Variants in SLC39A10 observed in about 807,000 individuals in gnomAD.
SLC39A10 encodes the protein solute carrier family 39 member 10.
In SLC39A10, 13 loss-of-function variants were observed where a neutral mutation model predicts 65.1. The ratio of observed to expected loss-of-function variants is 0.20; its 90% CI spans 0.13 to 0.32. SLC39A10 has a LOEUF of 0.32. SLC39A10 is among the 10% of genes least tolerant of loss of function. The pLI is 1.00. For missense variants in SLC39A10, 831 were observed against 1,018.4 expected, an observed-to-expected ratio of 0.82 and a Z score of 2.50; for synonymous variants, 321 against 342.2, an observed-to-expected ratio of 0.94 and a Z score of 0.68.
intron 2 of SLC39A10, among the ~76,000 whole-genome samples, chr2:195,637,661 C>G (rs561599975): frequency 4.3e-4 from 66 of 152,236 alleles, no homozygotes; most frequent in Admixed American, 7.2e-4. Flanking sequence ...CATTCTTAAC[C>G]ATAATTGAGG....
At chr2:195,676,923 C>T (rs1690113703) in intron 1 of SLC39A10, among the ~76,000 whole-genome samples, 1 of 151,352 alleles carries the variant, frequency 6.6e-6, no homozygotes, top group South Asian at 2.1e-4. Flanking sequence ...TGTGTTTCTC[C>T]AGGTTTTTCA....
chr2:195,618,470 A>G (rs982416361), intron 2 of SLC39A10, among the ~76,000 whole-genome samples: 4 of 152,184 alleles, frequency 2.6e-5, no homozygotes, highest in Non-Finnish European at 5.9e-5. Context: ...AAAGTAAATG[A>G]AGTGTTGGGG....
chr2:195,690,437 A>G (rs370537920), intron 3 of SLC39A10, among the ~76,000 whole-genome samples: 8 of 152,124 alleles, frequency 5.3e-5, no homozygotes, highest in Non-Finnish European at 8.8e-5. Context: ...TCTGTTTTTA[A>G]CTTTTTGAGG....
At chr2:195,618,344 C>G (rs1410464707) in intron 2 of SLC39A10, among the ~76,000 whole-genome samples, 1 of 134,294 alleles carries the variant, frequency 7.4e-6, no homozygotes, top group African/African-American at 3.1e-5. Flanking sequence ...GAATGAGACT[C>G]CGTCTCACCA....
intron 2 of SLC39A10, among the ~76,000 whole-genome samples, chr2:195,625,210 C>A (rs1293938982): frequency 2.2e-5 from 2 of 91,394 alleles, no homozygotes; most frequent in Non-Finnish European, 4.2e-5. Context: ...GAGGGACACT[C>A]TGTCTCAAAA....
chr2:195,702,644 CT>C (rs1020930595), intron 3 of SLC39A10, among the ~76,000 whole-genome samples: 1 of 152,202 alleles, frequency 6.6e-6, no homozygotes, highest in African/African-American at 2.4e-5. Context: ...CAGGATCATA[CT>C]ATTAAGGCCA....
Position 195,735,099 on chromosome 2 carries a change from TCCTTGTACTGTATGCACATTGCTCAAA to T in SLC39A10, c.*59_*85del. 1 of 1,542,080 alleles carries T rather than the reference TCCTTGTACTGTATGCACATTGCTCAAA, an allele frequency of 6.5e-7. No homozygotes were observed. Among genetic ancestry groups the T allele is most frequent in the African/African-American group, 1.4e-5 (1 of 72,088 alleles). ...TGTTACCATGCAGCTTTGCATCTGT[TCCTTGTACTGTATGCACATTGCTCAAA>T]GGAAAGTCAGTGGCTTGCACTACTT... On this transcript the variant is annotated 3_prime_UTR_variant, in exon 10 of 10. Transcript: ENST00000359634.
chr2:195,696,513 AT>A (rs1690967403), intron 3 of SLC39A10, among the ~76,000 whole-genome samples: 2 of 152,144 alleles, frequency 1.3e-5, no homozygotes, highest in Non-Finnish European at 2.9e-5. Context: ...GAGTAAAAAA[AT>A]AACACAAATA....
intron 2 of SLC39A10, among the ~76,000 whole-genome samples, chr2:195,635,192 C>T (rs1368266437): frequency 1.3e-5 from 2 of 152,340 alleles, no homozygotes; most frequent in African/African-American, 4.8e-5. Flanking sequence ...TATTTCTAGG[C>T]TTCCCATATA....
intron 2 of SLC39A10, among the ~76,000 whole-genome samples, chr2:195,644,904 T>TTATC (rs1688882173): frequency 6.6e-6 from 1 of 150,716 alleles, no homozygotes; most frequent in South Asian, 2.1e-4. Context: ...ATTTATTTAT[T>TTATC]TATTTATTTA....
intron 9 of SLC39A10, among the ~76,000 whole-genome samples, chr2:195,732,178 G>A (rs1692452617): frequency 6.6e-6 from 1 of 152,150 alleles, no homozygotes. Flanking sequence ...AGTTTATCTT[G>A]TAAACTTTGG....
chr2:195,654,847 A>G (rs1689114424), upstream of SLC39A10, among the ~76,000 whole-genome samples: 5 of 152,046 alleles, frequency 3.3e-5, no homozygotes, highest in South Asian at 1.0e-3. Context: ...CCTGCAAGTC[A>G]TTTTCTGAGA....
intron 9 of SLC39A10, among the ~76,000 whole-genome samples, chr2:195,729,717 G>T (rs914293667): frequency 6.6e-6 from 1 of 152,050 alleles, no homozygotes; most frequent in Non-Finnish European, 1.5e-5. Context: ...TTCTTAAAGA[G>T]GTGGGGGACC....
intron 2 of SLC39A10, among the ~76,000 whole-genome samples, chr2:195,628,005 C>A (rs1320306742): frequency 2.0e-5 from 3 of 152,160 alleles, no homozygotes; most frequent in Non-Finnish European, 2.9e-5. Context: ...ATTAGATCAG[C>A]AAAGTCAATG....
At position 195,680,598 on chromosome 2, in the gene SLC39A10, C is replaced by A. The variant is rs1057345034; in HGVS notation, c.556C>A (p.His186Asn). 1.9e-6 allele frequency: 3 copies of A among 1,613,974 alleles called. No individual in the cohort carries two copies. In the African/African-American group the frequency reaches 4.0e-5, roughly 22 times the overall value. ...CCTACGTCATCACCATCGTTTGCAT[C>A]ATCATCTTGATCATAACAACACTCA... ...HRLRHHHRLH[H>N]HLDHNNTHHF... The change falls in exon 2 of 10, where the codon CAT becomes AAT. Residue 186 changes from histidine to asparagine, a missense_variant. Physicochemically the swap from His to Asn is moderately conservative, Grantham distance 68. Transcript: ENST00000359634.
At chr2:195,617,219 T>C (rs1356397819) in intron 2 of SLC39A10, among the ~76,000 whole-genome samples, 1 of 152,186 alleles carries the variant, frequency 6.6e-6, no homozygotes, top group Admixed American at 6.5e-5. Context: ...CAAAAAAATT[T>C]TTTTGCATGC....
chr2:195,705,138 A>T (rs1691353633), intron 3 of SLC39A10, among the ~76,000 whole-genome samples: 1 of 152,054 alleles, frequency 6.6e-6, no homozygotes, highest in Admixed American at 6.6e-5. Flanking sequence ...AGGATATATT[A>T]TTTTTGTAAT....
intron 8 of SLC39A10, among the ~76,000 whole-genome samples, chr2:195,721,944 T>G (rs939632722): frequency 6.6e-6 from 1 of 152,202 alleles, no homozygotes; most frequent in African/African-American, 2.4e-5. Context: ...TAAGGATGGT[T>G]ACCTTCTTAC....
intron 3 of SLC39A10, among the ~76,000 whole-genome samples, chr2:195,689,308 C>T (rs1051376166): frequency 4.0e-5 from 6 of 151,794 alleles, no homozygotes; most frequent in African/African-American, 1.5e-4. Flanking sequence ...GGTGGTCCCA[C>T]CTACTTAGGA....
Sources: gnomAD v4.1 joint callset for allele counts (sites outside exome capture counted in the v4.1 genomes callset) on GRCh38, gnomAD v4.1.1 for gene constraint, MANE v1.5 for transcripts, NCBI Gene and HGNC (gene_info 2026-07-23, HGNC 2026-07-21) for gene names.